PCTP: variants seen among roughly 807,000 people sequenced by gnomAD.
The protein encoded by PCTP is phosphatidylcholine transfer protein.
In PCTP, 27 loss-of-function variants were observed where a neutral mutation model predicts 31.0. The ratio of observed to expected loss-of-function variants is 0.87; its 90% CI spans 0.64 to 1.20. The LOEUF is 1.20. PCTP is among the 50% of genes most tolerant of loss of function. The pLI, the probability that PCTP is intolerant of heterozygous loss-of-function variation, is 0.00. For synonymous variants in PCTP, 108 were observed against 101.2 expected (o/e 1.07, Z -0.40); for missense variants, 287 against 268.2 (o/e 1.07, Z -0.49).
rs185168387 is a variant in PCTP, at chr17:55,767,139, T to C, written c.142-196T>C. Among the ~76,000 whole-genome samples, 22 of 152,250 alleles carry C rather than the reference T, an allele frequency of 1.4e-4. 1 individual carries two copies. The East Asian group carries it at 4.1e-3, about 28-fold the overall frequency. ...TTTTTTTCTTGTAAATTTGTTGGAG[T>C]TCATTGTAGATTCTGGATATTAGCC... On this transcript the variant is annotated intron_variant, in intron 1 of 5. Transcript: ENST00000268896.
intron 2 of PCTP, among the ~76,000 whole-genome samples, chr17:55,785,047 T>TA (rs1342063068): frequency 2.0e-5 from 3 of 152,238 alleles, no homozygotes; most frequent in Admixed American, 6.5e-5. Context: ...CTTCTTTGTG[T>TA]AATGCCCTCC....
intron 3 of PCTP, among the ~76,000 whole-genome samples, chr17:55,819,009 T>TAAA (rs1913021483): frequency 4.9e-4 from 1 of 2,042 alleles, no homozygotes; most frequent in Non-Finnish European, 9.8e-4. Context: ...TGGAAAGAAA[T>TAAA]CAAAAAAAAA....
At chr17:55,836,991 A>C in intron 5 of PCTP, among the ~76,000 whole-genome samples, 1 of 152,168 alleles carries the variant, frequency 6.6e-6, no homozygotes, top group Non-Finnish European at 1.5e-5. Flanking sequence ...TTTAAATAGA[A>C]TCTTGGAGGA....
intron 5 of PCTP, among the ~76,000 whole-genome samples, chr17:55,839,233 C>A (rs1194233898): frequency 6.6e-6 from 1 of 152,076 alleles, no homozygotes; most frequent in African/African-American, 2.4e-5. Context: ...AAAAGGGGAA[C>A]AATAACGATT....
intron 1 of PCTP, among the ~76,000 whole-genome samples, chr17:55,761,175 T>A (rs940091237): frequency 6.6e-6 from 1 of 152,150 alleles, no homozygotes; most frequent in Admixed American, 6.6e-5. Flanking sequence ...AAGGTAGAGA[T>A]AACACCAACT....
chr17:55,822,690 C>G, intron 3 of PCTP: 1 of 825,096 alleles, frequency 1.2e-6, no homozygotes. Context: ...TCTGTGCATC[C>G]TGAAGTATCC....
At chr17:55,756,730 T>C (rs1486063677) in intron 1 of PCTP, among the ~76,000 whole-genome samples, 1 of 151,958 alleles carries the variant, frequency 6.6e-6, no homozygotes, top group Non-Finnish European at 1.5e-5. Context: ...TGTGTGTGTG[T>C]GTGTGTGTGT....
intron 3 of PCTP, among the ~76,000 whole-genome samples, chr17:55,797,489 G>A (rs534012548): frequency 6.6e-6 from 1 of 152,098 alleles, no homozygotes; most frequent in East Asian, 1.9e-4. Flanking sequence ...CAGGATTTCT[G>A]TTGGTACCAG....
At chr17:55,833,743 T>C (rs750189749) in intron 5 of PCTP, among the ~76,000 whole-genome samples, 8 of 152,236 alleles carry the variant, frequency 5.3e-5, no homozygotes, top group Non-Finnish European at 1.2e-4. Context: ...GAATTCTCTT[T>C]GCACAATGTT....
At chr17:55,831,418 C>G (rs1248082107) in intron 5 of PCTP, among the ~76,000 whole-genome samples, 2 of 152,128 alleles carry the variant, frequency 1.3e-5, no homozygotes, top group Non-Finnish European at 2.9e-5. Context: ...TGGCTCCATG[C>G]CCTCCCTGTT....
At chr17:55,841,288 T>C (rs989027617) in intron 5 of PCTP, among the ~76,000 whole-genome samples, 1 of 152,142 alleles carries the variant, frequency 6.6e-6, no homozygotes, top group Non-Finnish European at 1.5e-5. Context: ...GATTGCACTA[T>C]AGGCTGCAGA....
At chr17:55,832,099 C>CA (rs781071086) in intron 5 of PCTP, among the ~76,000 whole-genome samples, 4 of 151,836 alleles carry the variant, frequency 2.6e-5, no homozygotes, top group South Asian at 2.1e-4. Context: ...ACAACAACAA[C>CA]AACAAAAAAC....
In PCTP at chr17:55,777,342, G is replaced by A; in HGVS notation, c.*1242G>A. ...GTTTTCTTTCTGGGAAGAAAAGTGTGTTCTATAATGAATAAATATAGAGTG... is the reference window on the plus strand; with the variant it reads ...GTTTTCTTTCTGGGAAGAAAAGTGTATTCTATAATGAATAAATATAGAGTG... On this transcript the variant is annotated 3_prime_UTR_variant, in exon 6 of 6. Coordinates refer to ENST00000268896, the MANE Select transcript of PCTP (RefSeq NM_021213.4). The A allele has an allele frequency of 1.0e-6, 1 of 984,670 alleles. No individual in the cohort carries two copies. The highest frequency in any genetic ancestry group is 1.2e-6 in the Non-Finnish European group (1 of 829,048). 61.0% of individuals were successfully genotyped at this position (984,670 alleles called of 1,614,324 possible).
intron 3 of PCTP, among the ~76,000 whole-genome samples, chr17:55,819,482 C>A (rs57716006): frequency 3.2e-3 from 482 of 152,222 alleles, no homozygotes; most frequent in African/African-American, 9.6e-3. Flanking sequence ...GAGGCTCATG[C>A]CTGTAATCCT....
chr17:55,843,017 C>T (rs1598026886), downstream of PCTP: 1 of 152,122 alleles, frequency 6.6e-6, no homozygotes, highest in African/African-American at 2.4e-5. Flanking sequence ...GACACTGATT[C>T]ATAGATGCTA....
At chr17:55,844,839 C>G (rs576852747), downstream of PCTP, among the ~76,000 whole-genome samples, 76 of 151,838 alleles carry the variant, frequency 5.0e-4, no homozygotes, top group Non-Finnish European at 1.0e-3. Flanking sequence ...CCTAAAATCC[C>G]AGCACTTTGG....
chr17:55,827,038 CA>C (rs33976207), downstream of PCTP, among the ~76,000 whole-genome samples: 4,756 of 134,748 alleles, frequency 0.035, 97 homozygotes, highest in East Asian at 0.11. Context: ...GGTAAACAGC[CA>C]AAAAAAAAAA....
chr17:55,755,143 T>A (rs968553433), intron 1 of PCTP, among the ~76,000 whole-genome samples: 1 of 152,130 alleles, frequency 6.6e-6, no homozygotes, highest in Admixed American at 6.5e-5. Flanking sequence ...GAGATAGAGT[T>A]GCTCCCCTGA....
chr17:55,820,035 C>A (rs1913064188), intron 3 of PCTP, among the ~76,000 whole-genome samples: 1 of 151,984 alleles, frequency 6.6e-6, no homozygotes, highest in Non-Finnish European at 1.5e-5. Context: ...AGATCAAAGA[C>A]CTTAAATGTA....
Sources: gnomAD v4.1 joint callset for allele counts (sites outside exome capture counted in the v4.1 genomes callset) on GRCh38, gnomAD v4.1.1 for gene constraint, MANE v1.5 for transcripts, NCBI Gene and HGNC (gene_info 2026-07-23, HGNC 2026-07-21) for gene names.